Variants in NUP107 observed in about 807,000 individuals in gnomAD.
NUP107 encodes nuclear pore complex protein Nup107.
In NUP107, 101 loss-of-function variants were observed where a neutral mutation model predicts 141.0. The ratio of observed to expected loss-of-function variants is 0.72; its 90% confidence interval spans 0.61 to 0.84. The LOEUF is 0.84. Among genes scored for constraint, NUP107 ranks in the 40% least tolerant of loss-of-function variants. NUP107 has a pLI of 0.00. For synonymous variants in NUP107, 319 were observed against 363.9 expected (o/e 0.88, Z 1.41); for missense variants, 941 against 1,102.7 (o/e 0.85, Z 2.08).
chr12:68,740,971 C>T (rs1010104078), intron 26 of NUP107, among the ~76,000 whole-genome samples: 25 of 151,154 alleles, frequency 1.7e-4, no homozygotes, highest in Middle Eastern at 3.4e-3. Flanking sequence ...TGCTTGAGCC[C>T]GGAGATCAAG....
Position 68,719,673 on chromosome 12 carries a change from T to C in NUP107, c.1251+19T>C, listed in dbSNP as rs1490257877. On this transcript the variant is annotated intron_variant, in intron 14 of 27. Transcript: ENST00000229179. ...AGAAGATGTAAGATAAATAAAATAT[T>C]CAGTGATACTGTTTTTAACTCCAAT... is the stretch of plus-strand genomic sequence containing the variant. 3 of 1,527,796 alleles carry C rather than the reference T, an allele frequency of 2.0e-6. No homozygotes were observed. The highest frequency in any genetic ancestry group is 1.8e-6 in the Non-Finnish European group (2 of 1,101,962). The allele number at this position is 1,527,796 out of a possible 1,614,324, so 94.6% of individuals were successfully genotyped here.
Position 68,719,251 on chromosome 12 carries a change from C to T in NUP107, c.1084-90C>T. 9.1e-6 allele frequency: 8 copies of T among 882,942 alleles called. No individual in the cohort carries two copies. In the South Asian group the frequency reaches 1.2e-4, roughly 13 times the overall value. The allele number at this position is 882,942 out of a possible 1,614,324, so 54.7% of individuals were successfully genotyped here. On this transcript the variant is annotated intron_variant, in intron 12 of 27. Coordinates refer to ENST00000229179, the MANE Select transcript of NUP107 (RefSeq NM_020401.4). ...AATGGGATGGATGGAACATTTGTTC[C>T]ATAAGTTATCTAAGCTTGTCATATA... is the stretch of plus-strand genomic sequence containing the variant.
intron 8 of NUP107, among the ~76,000 whole-genome samples, chr12:68,703,119 T>C (rs574485454): frequency 3.9e-4 from 59 of 152,340 alleles, no homozygotes; most frequent in African/African-American, 1.4e-3. Context: ...GTGGTGGGAT[T>C]ACAGGCATGA....
intron 8 of NUP107, among the ~76,000 whole-genome samples, chr12:68,707,507 G>A (rs1315451524): frequency 6.6e-6 from 1 of 152,200 alleles, no homozygotes; most frequent in Non-Finnish European, 1.5e-5. Context: ...GCTGAGATGG[G>A]AGGATCGCTT....
intron 17 of NUP107, among the ~76,000 whole-genome samples, chr12:68,725,185 C>T (rs956011510): frequency 2.6e-5 from 4 of 151,976 alleles, no homozygotes; most frequent in African/African-American, 7.2e-5. Flanking sequence ...AATTAAAATA[C>T]GTTTGACAAC....
At chr12:68,731,338 T>C (rs1592520001) in intron 21 of NUP107, 78 bp downstream of exon 21, 13 of 1,370,742 alleles carry the variant, frequency 9.5e-6, no homozygotes, top group Non-Finnish European at 1.2e-5. Context: ...TTTGTCCTTA[T>C]AGTTTTAAAT....
At chr12:68,734,199 C>A (rs1411367132) in intron 24 of NUP107, among the ~76,000 whole-genome samples, 1 of 152,122 alleles carries the variant, frequency 6.6e-6, no homozygotes. Flanking sequence ...ATCGCATGAG[C>A]CCAGGGAGTT....
At chr12:68,698,354 G>A in intron 6 of NUP107, among the ~76,000 whole-genome samples, 1 of 152,188 alleles carries the variant, frequency 6.6e-6, no homozygotes, top group South Asian at 2.1e-4. Context: ...CATTGCTGGT[G>A]GAAATGCAAA....
chr12:68,734,669 T>G (rs1422176038), intron 24 of NUP107, 39 bp from the exon 25 acceptor site: 27 of 1,440,650 alleles, frequency 1.9e-5, no homozygotes, highest in Non-Finnish European at 2.4e-5. Context: ...TGAAAACTTT[T>G]GTTATTTTAT....
At position 68,732,776 on chromosome 12, in the gene NUP107, C is replaced by A. The variant is rs777840898; in HGVS notation, c.2101+37C>A. The stretch of plus-strand genomic sequence containing the variant: ...TTTTATGCAGCTTCAAACTCCTGGG[C>A]TCCATTCTTCTTCCTACCTCAGCCT... On this transcript the variant is annotated intron_variant, in intron 23 of 27. Coordinates refer to ENST00000229179, the MANE Select transcript of NUP107 (RefSeq NM_020401.4). 16 of 1,311,572 alleles carry A rather than the reference C, an allele frequency of 1.2e-5. No homozygotes were observed. The Admixed American group carries it at 2.8e-4, about 23-fold the overall frequency. The allele number at this position is 1,311,572 out of a possible 1,614,324, so 81.2% of individuals were successfully genotyped here.
At chr12:68,712,691 A>G (rs1175123754) in intron 10 of NUP107, among the ~76,000 whole-genome samples, 8 of 134,302 alleles carry the variant, frequency 6.0e-5, no homozygotes, top group African/African-American at 2.2e-4. Flanking sequence ...TACAATTTTT[A>G]ATGAGTTAAT....
intron 5 of NUP107, among the ~76,000 whole-genome samples, chr12:68,694,390 TA>T (rs1330920121): frequency 6.6e-6 from 1 of 152,206 alleles, no homozygotes; most frequent in African/African-American, 2.4e-5. Context: ...AAAAGACCTT[TA>T]GGTATCAAAA....
chr12:68,725,878 C>G, intron 18 of NUP107, 82 bp downstream of exon 18: 1 of 716,874 alleles, frequency 1.4e-6, no homozygotes, highest in Non-Finnish European at 2.3e-6. Context: ...ACCCTGTTGC[C>G]CAGACTGGAG....
At chr12:68,712,583 T>C (rs954508818) in intron 10 of NUP107, among the ~76,000 whole-genome samples, 1 of 151,958 alleles carries the variant, frequency 6.6e-6, no homozygotes, top group African/African-American at 2.4e-5. Flanking sequence ...ATGTGATTTT[T>C]TTTCTGAAAG....
intron 26 of NUP107, among the ~76,000 whole-genome samples, chr12:68,741,037 TG>T (rs1010184069): frequency 3.3e-5 from 5 of 150,968 alleles, no homozygotes; most frequent in African/African-American, 1.2e-4. Context: ...CAGAGTGAGA[TG>T]CTGTCTCAGA....
At chr12:68,695,841 G>A (rs114018483) in intron 5 of NUP107, among the ~76,000 whole-genome samples, 3,231 of 151,878 alleles carry the variant, frequency 0.021, 124 homozygotes, top group African/African-American at 0.074. Context: ...TGTCTCTACA[G>A]ACTAATAAAA....
chr12:68,711,116 G>A (rs374924346), intron 10 of NUP107, among the ~76,000 whole-genome samples: 7 of 151,968 alleles, frequency 4.6e-5, no homozygotes, highest in Non-Finnish European at 1.0e-4. Context: ...TTAGCCAGGC[G>A]TGGTGGCGGG....
At chr12:68,715,543 G>A in intron 11 of NUP107, 84 bp from the exon 12 acceptor site, 1 of 751,960 alleles carries the variant, frequency 1.3e-6, no homozygotes, top group Middle Eastern at 2.6e-4. Flanking sequence ...ACTCAGGATA[G>A]GTTTATCATC....
intron 7 of NUP107, among the ~76,000 whole-genome samples, chr12:68,701,921 T>G (rs1192325096): frequency 2.6e-5 from 4 of 151,930 alleles, no homozygotes; most frequent in African/African-American, 9.7e-5. Context: ...GGGATTCTCC[T>G]GCCTCAGCCT....
Sources: gnomAD v4.1 joint callset for allele counts (sites outside exome capture counted in the v4.1 genomes callset) on GRCh38, gnomAD v4.1.1 for gene constraint, MANE v1.5 for transcripts, NCBI Gene and HGNC (gene_info 2026-07-23, HGNC 2026-07-21) for gene names.